Variants in RREB1 observed in about 807,000 individuals in gnomAD.
RREB1 encodes ras-responsive element-binding protein 1.
In RREB1, 27 loss-of-function variants were observed where a neutral mutation model predicts 117.8. That is an observed-to-expected ratio of 0.23 (90% CI 0.17 to 0.32). The LOEUF is 0.32. Among genes scored for constraint, RREB1 ranks in the 10% least tolerant of loss-of-function variants. The probability of loss-of-function intolerance (pLI) is 1.00; values close to 1 mark genes in which losing one functional copy is unlikely to be tolerated. For missense variants in RREB1, 2,577 were observed against 2,378.2 expected (o/e 1.08, Z -1.74); for synonymous variants, 1,298 against 1,026.7 (o/e 1.26, Z -5.05).
intron 10 of RREB1, among the ~76,000 whole-genome samples, chr6:7,238,326 C>T (rs1369014495): frequency 1.3e-5 from 2 of 152,220 alleles, no homozygotes; most frequent in East Asian, 3.8e-4. Context: ...CCACCTCCGC[C>T]TCCCAGGCTC....
intron 1 of RREB1, among the ~76,000 whole-genome samples, chr6:7,125,732 G>A (rs1292863548): frequency 6.6e-6 from 1 of 152,152 alleles, no homozygotes; most frequent in African/African-American, 2.4e-5. Context: ...ATGTGGCAGT[G>A]CTCAAGTGTG....
intron 1 of RREB1, chr6:7,139,310 T>C (rs1762466712): frequency 6.6e-6 from 1 of 152,208 alleles, no homozygotes; most frequent in Non-Finnish European, 1.5e-5. Context: ...TAAGTTGAAA[T>C]TTTATTTTAA....
At position 7,228,495 on chromosome 6, in the gene RREB1, C is replaced by CTTTTTT. The variant is rs568193582; in HGVS notation, c.898-481_898-476dup. Among the ~76,000 whole-genome samples, 80 of 91,206 alleles carry CTTTTTT rather than the reference C, an allele frequency of 8.8e-4. 2 individuals carry two copies. The highest frequency in any genetic ancestry group is 3.3e-3 in the African/African-American group (72 of 21,790). The allele number at this position is 91,206 out of a possible 152,430, so 59.8% of individuals were successfully genotyped here. A position where few individuals can be genotyped will look rare whatever the true frequency, so the allele number is the denominator to read the frequency against. ...GTGTTAGCAAGCAGGAGAAGGTCAA[C>CTTTTTT]TTTTTTTTTTTTTTTTTTTTTTTTT... On this transcript the variant is annotated intron_variant, in intron 9 of 12. Transcript: ENST00000379938.
intron 1 of RREB1, among the ~76,000 whole-genome samples, chr6:7,109,735 A>T (rs996657579): frequency 1.3e-5 from 2 of 152,222 alleles, no homozygotes; most frequent in Admixed American, 6.5e-5. Flanking sequence ...CGAGCAGTTC[A>T]CATTCCATTA....
intron 8 of RREB1, among the ~76,000 whole-genome samples, chr6:7,219,588 G>A (rs930514670): frequency 3.9e-5 from 6 of 152,174 alleles, no homozygotes; most frequent in Non-Finnish European, 7.3e-5. Flanking sequence ...CCATGTTAGC[G>A]CTGTGCCCTT....
chr6:7,194,120 C>G lies in RREB1; in HGVS notation c.425+4798C>G, dbSNP rs75221241. Among the ~76,000 whole-genome samples, 15 of 152,258 alleles carry G rather than the reference C, an allele frequency of 9.9e-5. No individual in the cohort carries two copies. The East Asian group carries it at 2.7e-3, about 27-fold the overall frequency. On this transcript the variant is annotated intron_variant, in intron 6 of 12. Coordinates refer to ENST00000379938, the MANE Select transcript of RREB1 (RefSeq NM_001003699.4). The stretch of plus-strand genomic sequence containing the variant: ...GCCATTTTGACTGAATTTTATTACT[C>G]TGTGTTGTTTGGGTTTACTTGGATA...
rs1364852792 is a variant in RREB1 at position 7,246,924 on chromosome 6, C to T, written c.4474C>T (p.Pro1492Ser). ...CAGCACTGCAGAGGAGGGGCCCCAG[C>T]CCGCCCCTGAACAGGAGGAGAAGCC... ...GASTAEEGPQ[P>S]APEQEEKPPE... Residue 1492 changes from proline to serine, a missense_variant, in exon 12 of 13, where the codon CCC (proline) becomes TCC (serine). Physicochemically the swap from Pro to Ser is moderately conservative, Grantham distance 74. Coordinates refer to ENST00000379938, the MANE Select transcript of RREB1 (RefSeq NM_001003699.4). 4 of 1,555,516 alleles carry T rather than the reference C, an allele frequency of 2.6e-6. No homozygotes were observed. In the African/African-American group the frequency reaches 5.5e-5, roughly 21 times the overall value.
chr6:7,246,610 G>A lies in RREB1; in HGVS notation c.4160G>A (p.Ser1387Asn), dbSNP rs753409773. The A allele has an allele frequency of 1.9e-6, 3 of 1,562,190 alleles. No homozygotes were observed. The highest frequency in any genetic ancestry group is 1.2e-5 in the South Asian group (1 of 84,784). ...VHREEHGRGE[S>N]HEPEEEHGTE... is the part of the protein sequence containing the mutation. ...CGGGAAGAGCACGGGCGTGGGGAGA[G>A]CCATGAGCCGGAGGAGGAGCATGGC... Residue 1387 changes from serine to asparagine, a missense_variant, in exon 12 of 13, where the codon AGC (serine) becomes AAC (asparagine). Coordinates refer to ENST00000379938, the MANE Select transcript of RREB1 (RefSeq NM_001003699.4).
In RREB1 at chr6:7,231,573, G is replaced by A. The variant is rs965870507; in HGVS notation, c.3474G>A (p.Gly1158=). Residue 1158 remains glycine, a synonymous_variant, in exon 10 of 13, where the codon GGG becomes GGA. Transcript: ENST00000379938. ...GTSKKRGRKR[G]MRSRPRANSG... The stretch of plus-strand genomic sequence containing the variant: ...CGAAGAAGAGGGGCCGGAAAAGGGG[G>A]ATGAGGAGCCGACCCCGCGCCAACA... The A allele has an allele frequency of 3.7e-6, 6 of 1,611,454 alleles. No homozygotes were observed. Among genetic ancestry groups the A allele is most frequent in the Middle Eastern group, 1.7e-4 (1 of 5,878 alleles).
At chr6:7,185,931 C>T (rs763484905) in intron 4 of RREB1, among the ~76,000 whole-genome samples, 2 of 152,134 alleles carry the variant, frequency 1.3e-5, no homozygotes, top group African/African-American at 2.4e-5. Flanking sequence ...CCCCAGTTTC[C>T]GCATCCAGAA....
chr6:7,141,873 G>A (rs548067681), intron 1 of RREB1, among the ~76,000 whole-genome samples: 1 of 152,338 alleles, frequency 6.6e-6, no homozygotes, highest in Non-Finnish European at 1.5e-5. Flanking sequence ...TTCCGCAGAG[G>A]GCTGGATAAT....
chr6:7,246,365 TG>T, intron 11 of RREB1, 58 bp from the exon 12 acceptor site: 1 of 1,391,398 alleles, frequency 7.2e-7, no homozygotes, highest in Non-Finnish European at 9.4e-7. Context: ...GCGACATCCC[TG>T]GCATGGGCGT....
At chr6:7,158,718 C>T (rs9502556) in intron 1 of RREB1, among the ~76,000 whole-genome samples, 11,797 of 152,244 alleles carry the variant, frequency 0.077, 583 homozygotes, top group African/African-American at 0.13. Flanking sequence ...CCCACCCCAA[C>T]CTAGTAGTGG....
chr6:7,130,977 C>T (rs1206286435), intron 1 of RREB1, among the ~76,000 whole-genome samples: 3 of 119,780 alleles, frequency 2.5e-5, no homozygotes, highest in African/African-American at 3.2e-5. Context: ...CTTGCTCTGT[C>T]GCCCAGGCTG....
chr6:7,217,516 A>G (rs1766972655), intron 8 of RREB1: 1 of 152,210 alleles, frequency 6.6e-6, no homozygotes, highest in Non-Finnish European at 1.5e-5. Flanking sequence ...GGCATCTGCA[A>G]ATAGCTGTCC....
chr6:7,185,871 C>G (rs1765055450), intron 4 of RREB1, among the ~76,000 whole-genome samples: 1 of 152,178 alleles, frequency 6.6e-6, no homozygotes. Context: ...AATGCTGTGC[C>G]TACCACTTAA....
At position 7,249,101 on chromosome 6, in the gene RREB1, G is replaced by GAGAGACAGACAGACAGACAGAC. The variant is rs1561812153; in HGVS notation, c.*136_*137insGACAGACAGACAGACAGACAGA. On this transcript the variant is annotated 3_prime_UTR_variant, in exon 13 of 13. Transcript: ENST00000379938. ...AGAGAGAGAGAGAGAGAGAGAGAGA[G>GAGAGACAGACAGACAGACAGAC]AGACAAGCAGGAGCGTGGCTGCTCG... 1 of 591,898 alleles carries GAGAGACAGACAGACAGACAGAC rather than the reference G, an allele frequency of 1.7e-6. No individual in the cohort carries two copies. The highest frequency in any genetic ancestry group is 2.1e-5 in the African/African-American group (1 of 48,608). 36.7% of individuals were successfully genotyped at this position (591,898 alleles called of 1,614,324 possible). A position where few individuals can be genotyped will look rare whatever the true frequency, so the allele number is the denominator to read the frequency against.
At chr6:7,237,845 T>A (rs1478463101) in intron 10 of RREB1, among the ~76,000 whole-genome samples, 1 of 152,224 alleles carries the variant, frequency 6.6e-6, no homozygotes, top group Non-Finnish European at 1.5e-5. Flanking sequence ...ATGTGAGTTG[T>A]TATGTCACTT....
At chr6:7,189,424 G>T in intron 6 of RREB1, 102 bp downstream of exon 6, 1 of 1,078,922 alleles carries the variant, frequency 9.3e-7, no homozygotes, top group Non-Finnish European at 1.3e-6. Flanking sequence ...TAAAGGTACA[G>T]AGAGTTCTGG....
Sources: gnomAD v4.1 joint callset for allele counts (sites outside exome capture counted in the v4.1 genomes callset) on GRCh38, gnomAD v4.1.1 for gene constraint, MANE v1.5 for transcripts, NCBI Gene and HGNC (gene_info 2026-07-23, HGNC 2026-07-21) for gene names.